The following LRRC58 variants were observed in gnomAD, a reference collection of about 807,000 sequenced individuals.
The protein encoded by LRRC58 is leucine-rich repeat-containing protein 58.
Under a neutral mutation model 30.6 loss-of-function variants are expected in LRRC58, and 18 were observed. The observed-to-expected ratio is 0.59, with a 90% CI of 0.41 to 0.87. LRRC58 has a LOEUF of 0.87. Ranked by LOEUF, LRRC58 falls within the 40% of genes least tolerant of loss-of-function variation. LRRC58 has a pLI of 0.00. For missense variants in LRRC58, 420 were observed against 468.4 expected (o/e 0.90, Z 0.95); for synonymous variants, 221 against 206.0 (o/e 1.07, Z -0.62).
intron 1 of LRRC58, among the ~76,000 whole-genome samples, chr3:120,337,314 G>T (rs1447262387): frequency 2.0e-5 from 3 of 152,038 alleles, no homozygotes. Context: ...ACTATTTGAT[G>T]GTATAAAAAA....
At chr3:120,343,462 C>A (rs913644298) in intron 1 of LRRC58, among the ~76,000 whole-genome samples, 14 of 152,266 alleles carry the variant, frequency 9.2e-5, no homozygotes, top group Non-Finnish European at 1.9e-4. Flanking sequence ...TGGAACAATT[C>A]TATTCTTTCA....
chr3:120,334,794 G>A (rs1329409405), intron 3 of LRRC58, 68 bp downstream of exon 3: 23 of 1,382,544 alleles, frequency 1.7e-5, no homozygotes, highest in Non-Finnish European at 2.2e-5. Flanking sequence ...GCTTTTGTCT[G>A]AAAGAAGACT....
At chr3:120,344,529 C>T (rs77386358) in intron 1 of LRRC58, among the ~76,000 whole-genome samples, 178 of 152,340 alleles carry the variant, frequency 1.2e-3, no homozygotes, top group African/African-American at 4.2e-3. Context: ...AACTTCAAAA[C>T]ATTTGAGAGC....
At position 120,329,770 on chromosome 3, in the gene LRRC58, G is replaced by T. The variant is rs1360367341; in HGVS notation, c.*1430C>A. 2.6e-5 allele frequency: 4 copies of T among 151,814 alleles called. No homozygotes were observed. The highest frequency in any genetic ancestry group is 9.7e-5 in the African/African-American group (4 of 41,360). 9.4% of individuals were successfully genotyped at this position (151,814 alleles called of 1,614,324 possible). ...GATCTGTATAACATTTCTTACTGTA[G>T]GTTTAACATTAACCAACAAGTCATG... is the stretch of plus-strand genomic sequence containing the variant. On this transcript the variant is annotated 3_prime_UTR_variant, in exon 4 of 4. Transcript: ENST00000295628.
rs1251450940 is a variant in LRRC58, at chr3:120,325,921, C to T, written c.*5279G>A. On this transcript the variant is annotated 3_prime_UTR_variant, in exon 4 of 4. Coordinates refer to ENST00000295628, the MANE Select transcript of LRRC58 (RefSeq NM_001099678.2). Reference sequence around the variant, plus strand: ...AGAATGCATGGTAGAGGTTCCCTCCCCAGAAGTCCTAGACTGATACACATT... The same window carrying T: ...AGAATGCATGGTAGAGGTTCCCTCCTCAGAAGTCCTAGACTGATACACATT... The T allele has an allele frequency of 6.6e-6, 1 of 152,094 alleles. No homozygotes were observed. Among genetic ancestry groups the T allele is most frequent in the Non-Finnish European group, 1.5e-5 (1 of 68,014 alleles). 9.4% of individuals were successfully genotyped at this position (152,094 alleles called of 1,614,324 possible).
At chr3:120,334,783 T>C in intron 3 of LRRC58, 79 bp downstream of exon 3, 1 of 1,279,894 alleles carries the variant, frequency 7.8e-7, no homozygotes, top group Non-Finnish European at 1.1e-6. Context: ...AAACAGAGAC[T>C]GCTTTTGTCT....
chr3:120,337,042 C>T (rs1008029435), intron 1 of LRRC58, among the ~76,000 whole-genome samples: 17 of 152,058 alleles, frequency 1.1e-4, no homozygotes, highest in African/African-American at 3.4e-4. Context: ...GTTACCCAAA[C>T]TTCCATGGTA....
chr3:120,334,230 C>T (rs761104179), intron 3 of LRRC58, among the ~76,000 whole-genome samples: 10 of 152,090 alleles, frequency 6.6e-5, no homozygotes, highest in Non-Finnish European at 1.0e-4. Flanking sequence ...GTGGGCCGGG[C>T]GTGGTGGCTC....
At position 120,338,338 on chromosome 3, in the gene LRRC58, T is replaced by C. The variant is rs187420382; in HGVS notation, c.501-2385A>G. On this transcript the variant is annotated intron_variant, in intron 1 of 3. Transcript: ENST00000295628. ...AAATGGAATAATATTATCTATCATA[T>C]AAAATGCCCAGTTAACAAATATGAA... Among the ~76,000 whole-genome samples, 10 of 152,352 alleles carry C rather than the reference T, an allele frequency of 6.6e-5. No individual in the cohort carries two copies. In the East Asian group the frequency reaches 7.7e-4, roughly 12 times the overall value.
chr3:120,331,119 C>G lies in LRRC58; in HGVS notation c.*81G>C. ...AACACTTAAGATGAAGATAAGATTT[C>G]TAGTGAACTTCAAGCTCTATTTTCT... On this transcript the variant is annotated 3_prime_UTR_variant, in exon 4 of 4. Transcript: ENST00000295628. 1 of 1,168,928 alleles carries G rather than the reference C, an allele frequency of 8.6e-7. No homozygotes were observed. Among genetic ancestry groups the G allele is most frequent in the Non-Finnish European group, 1.3e-6 (1 of 788,886 alleles). The allele number at this position is 1,168,928 out of a possible 1,614,324, so 72.4% of individuals were successfully genotyped here. A position where few individuals can be genotyped will look rare whatever the true frequency, so the allele number is the denominator to read the frequency against.
chr3:120,333,371 CTA>C (rs1217335728), intron 3 of LRRC58, among the ~76,000 whole-genome samples: 2 of 152,206 alleles, frequency 1.3e-5, no homozygotes, highest in Non-Finnish European at 2.9e-5. Context: ...GAATGCTGCC[CTA>C]TGTGTTTTCC....
intron 3 of LRRC58, among the ~76,000 whole-genome samples, chr3:120,332,597 T>C (rs1935772783): frequency 6.6e-6 from 1 of 152,194 alleles, no homozygotes; most frequent in South Asian, 2.1e-4. Flanking sequence ...AGTATAACAC[T>C]ATCTTGTGAT....
chr3:120,338,316 T>C (rs1017290884), intron 1 of LRRC58, among the ~76,000 whole-genome samples: 1 of 152,190 alleles, frequency 6.6e-6, no homozygotes, highest in Non-Finnish European at 1.5e-5. Flanking sequence ...CTTTTAAAAA[T>C]GGAATAATAT....
At chr3:120,348,130 T>C (rs1366549354) in intron 1 of LRRC58, among the ~76,000 whole-genome samples, 2 of 152,170 alleles carry the variant, frequency 1.3e-5, no homozygotes, top group East Asian at 1.9e-4. Flanking sequence ...TGAAGGATGA[T>C]AGGCGTTTGC....
At position 120,326,510 on chromosome 3, in the gene LRRC58, A is replaced by G. The variant is rs1282962946; in HGVS notation, c.*4690T>C. The G allele has an allele frequency of 2.0e-5, 3 of 152,220 alleles. No individual in the cohort carries two copies. Among genetic ancestry groups the G allele is most frequent in the Non-Finnish European group, 4.4e-5 (3 of 68,036 alleles). 9.4% of individuals were successfully genotyped at this position (152,220 alleles called of 1,614,324 possible). On this transcript the variant is annotated 3_prime_UTR_variant, in exon 4 of 4. Transcript: ENST00000295628. ...TAAATTCATTAATGTTATACAGGGC[A>G]TAGCACTTAATATGGAAACTGGGAC...
rs545984775 is a variant in LRRC58 at position 120,346,846 on chromosome 3, C to T, written c.500+1898G>A. 9.2e-5 allele frequency among the ~76,000 whole-genome samples: 14 copies of T among 152,328 alleles called. No homozygotes were observed. The South Asian group carries it at 1.7e-3, about 18-fold the overall frequency. On this transcript the variant is annotated intron_variant, in intron 1 of 3. Transcript: ENST00000295628. Reference sequence around the variant, plus strand: ...TCTCTATCTCTTCACCCTCTCCTCACTCCATTCTTGCATAGCAACAAGACA... The same window carrying T: ...TCTCTATCTCTTCACCCTCTCCTCATTCCATTCTTGCATAGCAACAAGACA...
intron 2 of LRRC58, 134 bp downstream of exon 2, chr3:120,335,691 G>A: frequency 1.3e-6 from 1 of 753,386 alleles, no homozygotes; most frequent in Non-Finnish European, 2.0e-6. Context: ...GCAAACCTCA[G>A]AACTATAATT....
chr3:120,335,178 A>C lies in LRRC58; in HGVS notation c.630-39T>G, dbSNP rs745883810. On this transcript the variant is annotated intron_variant, in intron 2 of 3. Transcript: ENST00000295628. The stretch of plus-strand genomic sequence containing the variant: ...AGTAGAAAAATCAATGGCAGTAAAC[A>C]ACGTAACTATCAAAAATATTGAATA... 7.7e-6 allele frequency: 12 copies of C among 1,550,068 alleles called. No homozygotes were observed. In the East Asian group the frequency reaches 2.7e-4, roughly 35 times the overall value.
intron 1 of LRRC58, among the ~76,000 whole-genome samples, chr3:120,340,214 T>C (rs1479228013): frequency 6.6e-6 from 1 of 152,216 alleles, no homozygotes; most frequent in African/African-American, 2.4e-5. Context: ...ATTTCTTTCA[T>C]ACTTTTTATT....
Sources: gnomAD v4.1 joint callset for allele counts (sites outside exome capture counted in the v4.1 genomes callset) on GRCh38, gnomAD v4.1.1 for gene constraint, MANE v1.5 for transcripts, NCBI Gene and HGNC (gene_info 2026-07-23, HGNC 2026-07-21) for gene names.